The following WDR59 variants were observed in gnomAD, a reference collection of about 807,000 sequenced individuals.
WDR59 encodes GATOR2 complex protein WDR59.
In WDR59, 100 loss-of-function variants were observed where a neutral mutation model predicts 131.2. That is an observed-to-expected ratio of 0.76 (90% CI 0.65 to 0.90). The LOEUF is 0.90. Among genes scored for constraint, WDR59 ranks in the 40% least tolerant of loss-of-function variants. WDR59 has a pLI of 0.00. For missense variants in WDR59, 1,203 were observed against 1,262.2 expected (o/e 0.95, Z 0.71); for synonymous variants, 601 against 466.2 (o/e 1.29, Z -3.72).
At chr16:74,981,292 C>T (rs1366101145) in intron 1 of WDR59, among the ~76,000 whole-genome samples, 1 of 150,984 alleles carries the variant, frequency 6.6e-6, no homozygotes, top group Non-Finnish European at 1.5e-5. Flanking sequence ...AGGAGAATGC[C>T]GTGAACCTGG....
chr16:74,938,517 A>G (rs2031979631), intron 7 of WDR59, among the ~76,000 whole-genome samples: 1 of 152,064 alleles, frequency 6.6e-6, no homozygotes, highest in South Asian at 2.1e-4. Flanking sequence ...TGAAGGATAC[A>G]AGGTAGTAGG....
intron 20 of WDR59, among the ~76,000 whole-genome samples, chr16:74,892,196 A>G (rs1170074691): frequency 1.3e-5 from 2 of 152,252 alleles, no homozygotes; most frequent in Non-Finnish European, 2.9e-5. Context: ...ACAAAGAAAT[A>G]GACATGCAAG....
At chr16:74,973,862 CCT>C (rs953798539) in intron 1 of WDR59, among the ~76,000 whole-genome samples, 7 of 151,912 alleles carry the variant, frequency 4.6e-5, no homozygotes, top group Non-Finnish European at 1.0e-4. Context: ...ATGGTGATAC[CCT>C]GTCTCTACTA....
intron 10 of WDR59, among the ~76,000 whole-genome samples, chr16:74,921,410 CA>C (rs1294729685): frequency 6.6e-6 from 1 of 152,192 alleles, no homozygotes; most frequent in African/African-American, 2.4e-5. Context: ...GGGTAACTAA[CA>C]ATGGGTTCCT....
intron 6 of WDR59, among the ~76,000 whole-genome samples, chr16:74,943,295 G>A (rs2032372747): frequency 6.6e-6 from 1 of 150,504 alleles, no homozygotes; most frequent in South Asian, 2.1e-4. Context: ...AGCCTTAGCT[G>A]AAGACCAGCT....
intron 25 of WDR59, among the ~76,000 whole-genome samples, chr16:74,882,196 G>A (rs1489646139): frequency 6.6e-6 from 1 of 152,178 alleles, no homozygotes; most frequent in African/African-American, 2.4e-5. Context: ...TGATACATGA[G>A]CTCTGTATCT....
chr16:74,889,552 G>T, intron 21 of WDR59, 151 bp downstream of exon 21: 2 of 623,082 alleles, frequency 3.2e-6, no homozygotes, highest in South Asian at 2.0e-5. Context: ...GTTCTGCACA[G>T]AAATTATTTC....
intron 3 of WDR59, among the ~76,000 whole-genome samples, chr16:74,955,838 T>G (rs1276411526): frequency 6.6e-6 from 1 of 152,030 alleles, no homozygotes; most frequent in Non-Finnish European, 1.5e-5. Flanking sequence ...TATTCTAGAA[T>G]ACAATGTGAC....
At chr16:74,881,123 T>C (rs1023835680) in intron 25 of WDR59, among the ~76,000 whole-genome samples, 7 of 152,198 alleles carry the variant, frequency 4.6e-5, no homozygotes, top group Non-Finnish European at 8.8e-5. Context: ...AATCATCTTA[T>C]ATCCTGAGAC....
At chr16:74,886,129 G>C in intron 24 of WDR59, 141 bp downstream of exon 24, 1 of 1,098,186 alleles carries the variant, frequency 9.1e-7, no homozygotes, top group Non-Finnish European at 1.3e-6. Flanking sequence ...AGAGAGCCGA[G>C]ATCCCGCCAC....
intron 2 of WDR59, chr16:74,963,395 A>G (rs2033639607): frequency 6.6e-6 from 1 of 152,266 alleles, no homozygotes; most frequent in African/African-American, 2.4e-5. Context: ...TACATCATGG[A>G]GTACTATGGA....
In WDR59 at chr16:74,938,185, T is replaced by C. The variant is rs1394216538; in HGVS notation, c.616A>G (p.Ile206Val). Residue 206 changes from isoleucine (I) to valine (V), a missense_variant, in exon 8 of 26, where the codon ATT (isoleucine) becomes GTT (valine). Coordinates refer to ENST00000262144, the MANE Select transcript of WDR59 (RefSeq NM_030581.4). ...GLDWHPDSEHILATSSQDNSV... is the reference protein window; with the variant it reads ...GLDWHPDSEHVLATSSQDNSV... ...TTGTCTTGACTGGAGGTAGCAAGAA[T>C]GTGCTCGCTGTCTGGGTGCCAGTCC... The C allele has an allele frequency of 1.9e-6, 3 of 1,579,780 alleles. No individual in the cohort carries two copies. Among genetic ancestry groups the C allele is most frequent in the Admixed American group, 3.7e-5 (2 of 54,294 alleles).
Position 74,889,091 on chromosome 16 carries a change from CA to C in WDR59, c.2195+611del, listed in dbSNP as rs770279740. 8.5e-5 allele frequency among the ~76,000 whole-genome samples: 13 copies of C among 152,334 alleles called. 1 individual carries two copies. The highest frequency in any genetic ancestry group is 4.4e-5 in the Non-Finnish European group (3 of 68,038). Reference sequence around the variant, plus strand: ...GAAACGGAAGCACGAACACGTGTCCCAGGGGTGGCCTTAATGCATAAATTAA... The same window carrying C: ...GAAACGGAAGCACGAACACGTGTCCCGGGGTGGCCTTAATGCATAAATTAA... On this transcript the variant is annotated intron_variant, in intron 21 of 25. Coordinates refer to ENST00000262144, the MANE Select transcript of WDR59 (RefSeq NM_030581.4).
intron 2 of WDR59, among the ~76,000 whole-genome samples, chr16:74,957,155 A>G (rs1237352109): frequency 6.9e-6 from 1 of 144,510 alleles, no homozygotes; most frequent in Admixed American, 7.4e-5. Flanking sequence ...ATCTCAGCTC[A>G]CTGCAACCTC....
chr16:74,940,363 A>G (rs2032119731), intron 7 of WDR59, among the ~76,000 whole-genome samples: 2 of 150,894 alleles, frequency 1.3e-5, no homozygotes, highest in South Asian at 4.2e-4. Context: ...TGGGCAACAG[A>G]GTGAGACTCT....
chr16:74,916,048 G>A (rs528261393), intron 12 of WDR59, 54 bp from the exon 13 acceptor site: 2 of 1,613,844 alleles, frequency 1.2e-6, no homozygotes, highest in Non-Finnish European at 1.7e-6. Context: ...ATGAAACAGA[G>A]AACAGGTCTG....
At chr16:74,935,612 G>A (rs1008687449) in intron 8 of WDR59, among the ~76,000 whole-genome samples, 1 of 151,972 alleles carries the variant, frequency 6.6e-6, no homozygotes, top group African/African-American at 2.4e-5. Context: ...ACTTAAAAAT[G>A]ATTATGTAGA....
chr16:74,881,132 ACTTT>A lies in WDR59; in HGVS notation c.2689+4517_2689+4520del, dbSNP rs775926262. ...ACAAAAAATCATCTTATATCCTGAG[ACTTT>A]CTTTAAGGGAATACTCTATCTAGCA... is the stretch of plus-strand genomic sequence containing the variant. On this transcript the variant is annotated intron_variant, in intron 25 of 25. Transcript: ENST00000262144. Among the ~76,000 whole-genome samples the A allele has an allele frequency of 4.6e-5, 7 of 152,274 alleles. No individual in the cohort carries two copies. The East Asian group carries it at 5.8e-4, about 13-fold the overall frequency.
intron 8 of WDR59, among the ~76,000 whole-genome samples, chr16:74,932,434 C>T (rs964667255): frequency 3.6e-4 from 35 of 96,554 alleles, no homozygotes; most frequent in Non-Finnish European, 6.3e-4. Context: ...AATTTTTACA[C>T]ACACACACAC....
Sources: allele counts gnomAD v4.1 joint callset (sites outside exome capture counted in the v4.1 genomes callset), GRCh38; gene constraint gnomAD v4.1.1; transcripts MANE v1.5; gene names NCBI Gene and HGNC (gene_info 2026-07-23, HGNC 2026-07-21).